The following SRGAP3 variants were observed in gnomAD, a reference collection of about 807,000 sequenced individuals.
The protein encoded by SRGAP3 is SLIT-ROBO Rho GTPase-activating protein 3.
SRGAP3 carries 39 observed loss-of-function variants against 121.1 expected under a neutral mutation model. That is an observed-to-expected ratio of 0.32 (90% confidence interval 0.25 to 0.42). SRGAP3 has a LOEUF of 0.42. SRGAP3 is among the 10% of genes least tolerant of loss of function. The pLI is 1.00. For missense variants in SRGAP3, 1,213 were observed against 1,470.6 expected (o/e 0.82, Z 2.86); for synonymous variants, 601 against 570.0 (o/e 1.05, Z -0.77).
At chr3:9,010,191 T>C in intron 18 of SRGAP3, 117 bp downstream of exon 18, 5 of 1,214,980 alleles carry the variant, frequency 4.1e-6, no homozygotes, top group South Asian at 2.5e-5. Context: ...GAAGGACAGA[T>C]GGCTGACTTG....
intron 3 of SRGAP3, among the ~76,000 whole-genome samples, chr3:9,097,372 CT>C (rs1266445125): frequency 6.6e-6 from 1 of 152,102 alleles, no homozygotes; most frequent in African/African-American, 2.4e-5. Context: ...TTACAACAAC[CT>C]TTTGATGGAG....
chr3:9,259,336 TG>T (rs899115927), intron 3 of SRGAP3, among the ~76,000 whole-genome samples: 3 of 152,122 alleles, frequency 2.0e-5, no homozygotes, highest in Non-Finnish European at 4.4e-5. Flanking sequence ...TAGAGTGAAA[TG>T]ACATGATCAC....
chr3:9,254,822 A>G (rs2125252924), intron 3 of SRGAP3, among the ~76,000 whole-genome samples: 2 of 136,744 alleles, frequency 1.5e-5, no homozygotes, highest in South Asian at 5.6e-4. Flanking sequence ...AGAAAAAGAG[A>G]GAGAGAGAGA....
chr3:9,167,256 C>T (rs1428939833), intron 1 of SRGAP3, among the ~76,000 whole-genome samples: 1 of 152,178 alleles, frequency 6.6e-6, no homozygotes, highest in East Asian at 1.9e-4. Context: ...GCCTTGACTG[C>T]TCACTCTCCC....
At chr3:9,351,619 C>A (rs755311370) in intron 1 of SRGAP3, among the ~76,000 whole-genome samples, 1 of 152,050 alleles carries the variant, frequency 6.6e-6, no homozygotes, top group Non-Finnish European at 1.5e-5. Context: ...ATGCATGGAC[C>A]GCATATACAA....
At chr3:9,247,817 C>G (rs1198032533) in intron 1 of SRGAP3, among the ~76,000 whole-genome samples, 1 of 152,218 alleles carries the variant, frequency 6.6e-6, no homozygotes, top group Non-Finnish European at 1.5e-5. Flanking sequence ...AGAAAGCGGA[C>G]GCCAAGAGGC....
intron 1 of SRGAP3, among the ~76,000 whole-genome samples, chr3:9,125,835 G>A (rs144561086): frequency 6.6e-6 from 1 of 152,204 alleles, no homozygotes; most frequent in East Asian, 1.9e-4. Flanking sequence ...AATACCCCAC[G>A]GCTCCCCTCT....
At chr3:9,290,530 C>G (rs934103268) in intron 3 of SRGAP3, among the ~76,000 whole-genome samples, 1 of 152,082 alleles carries the variant, frequency 6.6e-6, no homozygotes. Flanking sequence ...GGAGGGACTT[C>G]CAAATTCAGA....
intron 1 of SRGAP3, among the ~76,000 whole-genome samples, chr3:9,169,576 G>A (rs189430885): frequency 6.6e-6 from 1 of 152,310 alleles, no homozygotes; most frequent in East Asian, 1.9e-4. Flanking sequence ...TTTCTGCTAA[G>A]CTGAAATGCA....
intron 3 of SRGAP3, among the ~76,000 whole-genome samples, chr3:9,086,002 G>A (rs1947452788): frequency 6.6e-6 from 1 of 152,204 alleles, no homozygotes; most frequent in Non-Finnish European, 1.5e-5. Context: ...CCACCAGGCT[G>A]GCTAGGACTT....
At chr3:9,045,902 T>A (rs1216138814) in intron 10 of SRGAP3, among the ~76,000 whole-genome samples, 1 of 152,040 alleles carries the variant, frequency 6.6e-6, no homozygotes, top group Non-Finnish European at 1.5e-5. Context: ...TTAATGCTAG[T>A]CTTAGAAGCT....
At chr3:9,063,491 T>C (rs1304517651) in intron 5 of SRGAP3, among the ~76,000 whole-genome samples, 1 of 151,710 alleles carries the variant, frequency 6.6e-6, no homozygotes, top group Non-Finnish European at 1.5e-5. Flanking sequence ...CAACATCTAT[T>C]CAAATTCTTT....
intron 3 of SRGAP3, among the ~76,000 whole-genome samples, chr3:9,270,226 G>C (rs1371475458): frequency 1.3e-5 from 2 of 152,082 alleles, no homozygotes; most frequent in Non-Finnish European, 2.9e-5. Context: ...GTGTAATATT[G>C]ATAATAAAAG....
intron 1 of SRGAP3, chr3:9,349,072 TG>T: frequency 3.2e-6 from 3 of 951,686 alleles, no homozygotes; most frequent in Non-Finnish European, 3.4e-6. Context: ...ACCTGCCCAC[TG>T]GTATTCCCGT....
chr3:9,220,661 T>C (rs1952783536), intron 1 of SRGAP3, among the ~76,000 whole-genome samples: 1 of 152,208 alleles, frequency 6.6e-6, no homozygotes, highest in Non-Finnish European at 1.5e-5. Context: ...GGGCTTAGTG[T>C]CTTTGTCCCC....
intron 1 of SRGAP3, chr3:9,348,757 G>C (rs1391710303): frequency 4.4e-6 from 6 of 1,352,324 alleles, no homozygotes; most frequent in African/African-American, 1.4e-5. Flanking sequence ...CTGCTGCAAA[G>C]CATGGTGAGG....
intron 3 of SRGAP3, among the ~76,000 whole-genome samples, chr3:9,263,157 C>T (rs894751376): frequency 6.6e-6 from 1 of 152,146 alleles, no homozygotes; most frequent in African/African-American, 2.4e-5. Context: ...TAAATAAGTT[C>T]TTTGAAACCA....
At position 9,104,737 on chromosome 3, in the gene SRGAP3, G is replaced by A. The variant is rs1948354176; in HGVS notation, c.366C>T (p.Asn122=). 1.2e-6 allele frequency: 2 copies of A among 1,614,244 alleles called. No homozygotes were observed. Among genetic ancestry groups the A allele is most frequent in the Non-Finnish European group, 1.7e-6 (2 of 1,180,038 alleles). Residue 122 remains asparagine (N), a synonymous_variant, in exon 3 of 22, where the codon AAC becomes AAT. Coordinates refer to ENST00000383836, the MANE Select transcript of SRGAP3 (RefSeq NM_014850.4). ...TCTGGGAGAGGCGGACGATGACATT[G>A]TTCATGAAGATGTCATTGAGGGTGG... is the stretch of plus-strand genomic sequence containing the variant. The part of the protein sequence containing the change: ...DHATLNDIFM[N]NVIVRLSQIS...
intron 4 of SRGAP3, among the ~76,000 whole-genome samples, chr3:9,076,155 G>GC (rs1946966440): frequency 6.6e-6 from 1 of 152,144 alleles, no homozygotes; most frequent in South Asian, 2.1e-4. Context: ...GAAAACTGCA[G>GC]CCACAGGAGT....
Sources: allele counts gnomAD v4.1 joint callset (sites outside exome capture counted in the v4.1 genomes callset), GRCh38; gene constraint gnomAD v4.1.1; transcripts MANE v1.5; gene names NCBI Gene and HGNC (gene_info 2026-07-23, HGNC 2026-07-21).